The following DOCK3 variants were observed in gnomAD, a reference collection of about 807,000 sequenced individuals.
DOCK3 encodes dedicator of cytokinesis 3, also known as dedicator of cytokinesis protein 3.
In DOCK3, 60 loss-of-function variants were observed where a neutral mutation model predicts 265.6. That is an observed-to-expected ratio of 0.23 (90% CI 0.18 to 0.28). The LOEUF is 0.28. Ranked by LOEUF, DOCK3 falls within the 10% of genes least tolerant of loss-of-function variation. The pLI, the probability that DOCK3 is intolerant of heterozygous loss-of-function variation, is 1.00. For synonymous variants in DOCK3, 881 were observed against 938.0 expected, an observed-to-expected ratio of 0.94 and a Z score of 1.11; for missense variants, 1,981 against 2,594.3, an observed-to-expected ratio of 0.76 and a Z score of 5.14.
At chr3:50,834,224 G>A (rs2045368834) in intron 2 of DOCK3, among the ~76,000 whole-genome samples, 1 of 151,896 alleles carries the variant, frequency 6.6e-6, no homozygotes, top group South Asian at 2.1e-4. Context: ...TTTAAACCTT[G>A]AAGAGGTTTT....
intron 5 of DOCK3, among the ~76,000 whole-genome samples, chr3:50,934,767 T>TA (rs1398965692): frequency 2.0e-5 from 3 of 151,464 alleles, no homozygotes; most frequent in Non-Finnish European, 2.9e-5. Context: ...AGTAACCTAA[T>TA]AAAAAAAGTA....
intron 4 of DOCK3, among the ~76,000 whole-genome samples, chr3:50,918,130 G>A (rs2050227253): frequency 1.3e-5 from 2 of 152,090 alleles, no homozygotes; most frequent in African/African-American, 4.8e-5. Flanking sequence ...TGGTGTATGT[G>A]TGCCACATTT....
At chr3:51,131,378 C>A (rs1204964048) in intron 9 of DOCK3, among the ~76,000 whole-genome samples, 1 of 152,098 alleles carries the variant, frequency 6.6e-6, no homozygotes, top group East Asian at 1.9e-4. Context: ...TGCACAGTTA[C>A]CCTGGTAAAA....
rs576862938 is a variant in DOCK3 at position 51,203,519 on chromosome 3, A to G, written c.1038-5255A>G. ...ACTGCTCAGTGAAATTAAAGAGGAT[A>G]CAAACAAATGGAAGAACATTCCATG... On this transcript the variant is annotated intron_variant, in intron 12 of 52. Transcript: ENST00000266037. Among the ~76,000 whole-genome samples, 495 of 152,358 alleles carry G rather than the reference A, an allele frequency of 3.2e-3. 7 individuals carry two copies. The highest frequency in any genetic ancestry group is 0.011 in the African/African-American group (448 of 41,574).
chr3:51,104,751 C>T (rs542818215), intron 9 of DOCK3, among the ~76,000 whole-genome samples: 3 of 152,202 alleles, frequency 2.0e-5, no homozygotes, highest in Middle Eastern at 3.4e-3. Flanking sequence ...ATTGTCAGAA[C>T]GTCTAGGAGG....
intron 12 of DOCK3, among the ~76,000 whole-genome samples, chr3:51,176,070 A>G (rs948492794): frequency 7.2e-5 from 11 of 152,186 alleles, no homozygotes; most frequent in Non-Finnish European, 1.5e-4. Context: ...CTCAGTACAC[A>G]ATTGGATTTG....
intron 14 of DOCK3, among the ~76,000 whole-genome samples, chr3:51,220,709 G>GTATATATATATA (rs3073874): frequency 8.9e-4 from 118 of 132,370 alleles, no homozygotes; most frequent in Admixed American, 1.5e-3. Flanking sequence ...GTGTGTGTGT[G>GTATATATATATA]TATATATATA....
At chr3:50,887,193 C>T (rs1297865210) in intron 3 of DOCK3, among the ~76,000 whole-genome samples, 2 of 152,000 alleles carry the variant, frequency 1.3e-5, no homozygotes, top group Non-Finnish European at 2.9e-5. Flanking sequence ...CACCACCGAT[C>T]CCACAGAAAT....
chr3:50,912,466 C>T (rs1227891771), intron 4 of DOCK3, among the ~76,000 whole-genome samples: 1 of 152,128 alleles, frequency 6.6e-6, no homozygotes, highest in Non-Finnish European at 1.5e-5. Flanking sequence ...TTGCTCAAGG[C>T]CCTGGTGCTC....
At chr3:50,982,496 T>G (rs1472274327) in intron 5 of DOCK3, among the ~76,000 whole-genome samples, 1 of 152,062 alleles carries the variant, frequency 6.6e-6, no homozygotes, top group Non-Finnish European at 1.5e-5. Flanking sequence ...TTGGTGGTGG[T>G]GGGACCCCTG....
At chr3:51,152,905 G>T (rs1001727185) in intron 10 of DOCK3, among the ~76,000 whole-genome samples, 2 of 151,724 alleles carry the variant, frequency 1.3e-5, no homozygotes, top group Non-Finnish European at 3.0e-5. Flanking sequence ...TGTATGAGGT[G>T]GTAGTCAGCC....
chr3:51,023,761 A>G (rs904683787), intron 5 of DOCK3, among the ~76,000 whole-genome samples: 5 of 152,166 alleles, frequency 3.3e-5, no homozygotes, highest in African/African-American at 9.6e-5. Context: ...AAAATTTTTC[A>G]TGCATATCCT....
chr3:50,761,034 C>T (rs1428123206), intron 1 of DOCK3, among the ~76,000 whole-genome samples: 1 of 152,026 alleles, frequency 6.6e-6, no homozygotes, highest in African/African-American at 2.4e-5. Flanking sequence ...CCTGCCTTGG[C>T]TTCCCAAAGT....
intron 9 of DOCK3, among the ~76,000 whole-genome samples, chr3:51,142,409 T>G (rs2085104583): frequency 6.6e-6 from 1 of 152,176 alleles, no homozygotes; most frequent in Admixed American, 6.6e-5. Context: ...CTACCCTTCT[T>G]CCCCAGCCCT....
chr3:51,009,143 G>A (rs2078822572), intron 5 of DOCK3, among the ~76,000 whole-genome samples: 1 of 152,122 alleles, frequency 6.6e-6, no homozygotes, highest in African/African-American at 2.4e-5. Flanking sequence ...AAATGACTTA[G>A]GGATGATTCC....
At chr3:51,250,780 G>C (rs1278123943) in intron 22 of DOCK3, among the ~76,000 whole-genome samples, 4 of 152,200 alleles carry the variant, frequency 2.6e-5, no homozygotes, top group African/African-American at 9.7e-5. Flanking sequence ...TTAACAGTTA[G>C]GGAGTGAGCA....
intron 14 of DOCK3, among the ~76,000 whole-genome samples, chr3:51,220,687 A>ATATGTGTGTGTG (rs1553797700): frequency 1.5e-5 from 1 of 67,600 alleles, no homozygotes; most frequent in African/African-American, 6.0e-5. Flanking sequence ...ATATATATAT[A>ATATGTGTGTGTG]TGTGTGTGTG....
At chr3:50,854,817 G>C (rs565945676) in intron 3 of DOCK3, among the ~76,000 whole-genome samples, 1 of 151,854 alleles carries the variant, frequency 6.6e-6, no homozygotes, top group South Asian at 2.1e-4. Context: ...TAAGTGATGA[G>C]AGAGATCTAT....
chr3:51,019,492 G>A (rs949556949), intron 5 of DOCK3, among the ~76,000 whole-genome samples: 1 of 151,656 alleles, frequency 6.6e-6, no homozygotes, highest in Non-Finnish European at 1.5e-5. Context: ...TGTAAGTTCT[G>A]GGGTACATGT....
Sources: allele counts gnomAD v4.1 joint callset (sites outside exome capture counted in the v4.1 genomes callset), GRCh38; gene constraint gnomAD v4.1.1; transcripts MANE v1.5; gene names NCBI Gene and HGNC (gene_info 2026-07-23, HGNC 2026-07-21).